The following AFF3 variants were observed in gnomAD, a reference collection of about 807,000 sequenced individuals.
AFF3 encodes the protein AF4/FMR2 family member 3.
Under a neutral mutation model 129.7 loss-of-function variants are expected in AFF3, and 32 were observed. The observed-to-expected ratio is 0.25, with a 90% CI of 0.19 to 0.33. The LOEUF (loss-of-function observed/expected upper bound fraction) is 0.33, where lower values mean the gene tolerates loss of function less well. Among genes scored for constraint, AFF3 ranks in the 10% least tolerant of loss-of-function variants. The probability of loss-of-function intolerance (pLI) is 1.00; values close to 1 mark genes in which losing one functional copy is unlikely to be tolerated. For missense variants in AFF3, 1,373 were observed against 1,592.0 expected (o/e 0.86, Z 2.34); for synonymous variants, 644 against 635.4 (o/e 1.01, Z -0.20).
At chr2:100,037,508 TTATA>T (rs1259343840) in intron 4 of AFF3, among the ~76,000 whole-genome samples, 1 of 37,596 alleles carries the variant, frequency 2.7e-5, no homozygotes, top group Non-Finnish European at 4.6e-5. Flanking sequence ...AAATATATAT[TTATA>T]TTTTATATAT....
intron 7 of AFF3, among the ~76,000 whole-genome samples, chr2:99,965,248 GA>G (rs1405922855): frequency 6.6e-6 from 1 of 152,196 alleles, no homozygotes; most frequent in Non-Finnish European, 1.5e-5. Flanking sequence ...ATGTGGCTCA[GA>G]AGGATGGTTG....
chr2:100,114,538 C>T (rs370075524), intron 2 of AFF3, among the ~76,000 whole-genome samples: 10 of 152,302 alleles, frequency 6.6e-5, no homozygotes, highest in African/African-American at 2.4e-4. Context: ...CCTGCCACCA[C>T]GCCTGGCTAA....
intron 4 of AFF3, among the ~76,000 whole-genome samples, chr2:100,012,046 A>C (rs927425350): frequency 3.3e-5 from 5 of 152,138 alleles, no homozygotes; most frequent in African/African-American, 9.7e-5. Flanking sequence ...CCACTAATGA[A>C]GTTCTACCCG....
At chr2:99,842,845 C>G (rs1165314991) in intron 7 of AFF3, among the ~76,000 whole-genome samples, 1 of 152,114 alleles carries the variant, frequency 6.6e-6, no homozygotes, top group Non-Finnish European at 1.5e-5. Flanking sequence ...AGAGTGTGAT[C>G]AAATCAGTGG....
chr2:99,921,460 A>C (rs913108627), intron 7 of AFF3, among the ~76,000 whole-genome samples: 7 of 152,108 alleles, frequency 4.6e-5, no homozygotes, highest in Non-Finnish European at 1.5e-5. Context: ...AATTGTTGAA[A>C]TCCAAACAAA....
At position 99,587,181 on chromosome 2, in the gene AFF3, G is replaced by A; in HGVS notation, c.2564C>T (p.Ala855Val). The change falls in exon 16 of 25, where the codon GCA becomes GTA. Residue 855 changes from alanine (A) to valine (V), a missense_variant. Physicochemically the swap from Ala to Val is moderately conservative, Grantham distance 64. Coordinates refer to ENST00000672756, the MANE Select transcript of AFF3 (RefSeq NM_001386135.1). ...GTTGATGTTCATGTTGCAGTGGTTTGCAGACAAAGTATTACTGGTGGAGGT... is the reference window on the plus strand; with the variant it reads ...GTTGATGTTCATGTTGCAGTGGTTTACAGACAAAGTATTACTGGTGGAGGT... ...LATSTSNTLS[A>V]NHCNMNINSV... 6.2e-7 allele frequency: 1 copy of A among 1,614,136 alleles called. No individual in the cohort carries two copies. The highest frequency in any genetic ancestry group is 1.7e-4 in the Middle Eastern group (1 of 6,054).
intron 2 of AFF3, among the ~76,000 whole-genome samples, chr2:100,123,434 T>C (rs1348794220): frequency 2.0e-5 from 3 of 152,206 alleles, no homozygotes; most frequent in African/African-American, 7.2e-5. Context: ...AAAATAGAGC[T>C]AATGATTCAT....
intron 7 of AFF3, among the ~76,000 whole-genome samples, chr2:99,942,192 A>C (rs1397587583): frequency 6.6e-6 from 1 of 152,168 alleles, no homozygotes; most frequent in Non-Finnish European, 1.5e-5. Context: ...GCCCTCAAGC[A>C]AATGACGATC....
chr2:99,571,989 A>G (rs1375903702), intron 18 of AFF3, among the ~76,000 whole-genome samples: 2 of 149,806 alleles, frequency 1.3e-5, no homozygotes, highest in African/African-American at 2.4e-5. Context: ...CTAATCTTCT[A>G]TTTTTTTTTT....
chr2:100,068,005 G>A lies in AFF3; in HGVS notation c.53+36397C>T, dbSNP rs1336917972. 2.6e-5 allele frequency among the ~76,000 whole-genome samples: 4 copies of A among 152,148 alleles called. No homozygotes were observed. The East Asian group carries it at 7.7e-4, about 29-fold the overall frequency. ...AAAGGCTGAAGGGTTCAATATAGGA[G>A]AAAAAATATGTTTGCTTTTAATACA... On this transcript the variant is annotated intron_variant, in intron 4 of 24. Coordinates refer to ENST00000672756, the MANE Select transcript of AFF3 (RefSeq NM_001386135.1).
rs537915924 is a variant in AFF3, at chr2:100,006,591, A to G, written c.873+41T>C. 5 of 1,546,352 alleles carry G rather than the reference A, an allele frequency of 3.2e-6. No individual in the cohort carries two copies. The African/African-American group carries it at 6.8e-5, about 21-fold the overall frequency. ...TCACGAGGGTCAAATTGTCACTTGT[A>G]ACTATGCAGTTGCATGTGAACGGTG... On this transcript the variant is annotated intron_variant, in intron 7 of 24. Transcript: ENST00000672756.
At chr2:100,037,243 T>A (rs1490545196) in intron 4 of AFF3, among the ~76,000 whole-genome samples, 2 of 151,554 alleles carry the variant, frequency 1.3e-5, no homozygotes, top group Non-Finnish European at 2.9e-5. Flanking sequence ...TTTACAAATG[T>A]GTTTTCAAGA....
At chr2:100,026,209 C>T (rs1046602576) in intron 4 of AFF3, among the ~76,000 whole-genome samples, 1 of 151,976 alleles carries the variant, frequency 6.6e-6, no homozygotes, top group Non-Finnish European at 1.5e-5. Flanking sequence ...GAGAAAAAAA[C>T]AAACAATCCC....
chr2:99,839,864 C>T (rs1246440779), intron 7 of AFF3, among the ~76,000 whole-genome samples: 5 of 152,130 alleles, frequency 3.3e-5, no homozygotes, highest in Non-Finnish European at 5.9e-5. Context: ...TCCGCCTCAG[C>T]CTCCCAAAGT....
chr2:99,657,958 A>G (rs1251603084), intron 12 of AFF3, among the ~76,000 whole-genome samples: 1 of 152,218 alleles, frequency 6.6e-6, no homozygotes, highest in Non-Finnish European at 1.5e-5. Flanking sequence ...TGAGAGAGAC[A>G]TACTTATTTT....
At chr2:99,886,417 C>T (rs1415679601) in intron 7 of AFF3, among the ~76,000 whole-genome samples, 3 of 128,508 alleles carry the variant, frequency 2.3e-5, no homozygotes, top group Non-Finnish European at 5.1e-5. Flanking sequence ...CGAGTCATTA[C>T]AATTTTTTTT....
At chr2:99,863,854 G>A (rs1041867100) in intron 7 of AFF3, among the ~76,000 whole-genome samples, 1 of 152,180 alleles carries the variant, frequency 6.6e-6, no homozygotes, top group Non-Finnish European at 1.5e-5. Context: ...CAAAGATGTC[G>A]CTTCTTTCAC....
chr2:99,713,768 A>G (rs1204545192), intron 11 of AFF3, among the ~76,000 whole-genome samples: 1 of 149,032 alleles, frequency 6.7e-6, no homozygotes, highest in African/African-American at 2.5e-5. Flanking sequence ...GTGTGACCTC[A>G]GCTCACTGCA....
intron 13 of AFF3, among the ~76,000 whole-genome samples, chr2:99,645,198 G>T (rs1280454163): frequency 1.3e-5 from 2 of 152,128 alleles, no homozygotes; most frequent in Non-Finnish European, 2.9e-5. Flanking sequence ...AGCCAGGCAT[G>T]GTGGCTACCA....
Sources: gnomAD v4.1 joint callset for allele counts (sites outside exome capture counted in the v4.1 genomes callset) on GRCh38, gnomAD v4.1.1 for gene constraint, MANE v1.5 for transcripts, NCBI Gene and HGNC (gene_info 2026-07-23, HGNC 2026-07-21) for gene names.